The following SOX6 variants were observed in gnomAD, a reference collection of about 807,000 sequenced individuals.
The protein encoded by SOX6 is transcription factor SOX-6.
A neutral mutation model predicts 97.8 loss-of-function variants in SOX6; 11 were observed. The observed-to-expected ratio is 0.11, with a 90% CI of 0.07 to 0.19. SOX6 has a LOEUF of 0.19. Ranked by LOEUF, SOX6 falls within the 10% of genes least tolerant of loss-of-function variation. The pLI is 1.00. For missense variants in SOX6, 810 were observed against 1,039.5 expected, an observed-to-expected ratio of 0.78 and a Z score of 3.04; for synonymous variants, 360 against 371.4, an observed-to-expected ratio of 0.97 and a Z score of 0.35.
intron 6 of SOX6, among the ~76,000 whole-genome samples, chr11:16,156,507 C>T (rs972277097): frequency 6.6e-6 from 1 of 151,988 alleles, no homozygotes; most frequent in African/African-American, 2.4e-5. Flanking sequence ...ATATATCCAA[C>T]ATCTGGTAGG....
At position 16,205,015 on chromosome 11, in the gene SOX6, C is replaced by T. The variant is rs186206870; in HGVS notation, c.536-18060G>A. Among the ~76,000 whole-genome samples, 211 of 152,142 alleles carry T rather than the reference C, an allele frequency of 1.4e-3. 3 individuals carry two copies. Among genetic ancestry groups the T allele is most frequent in the Admixed American group, 0.011 (164 of 15,298 alleles). On this transcript the variant is annotated intron_variant, in intron 4 of 15. Transcript: ENST00000683767. ...TCTCTCTTGGTAGATAGTTGATTTTCGTTATCATTTTCCTCAGTTCACTTA... is the reference window on the plus strand; with the variant it reads ...TCTCTCTTGGTAGATAGTTGATTTTTGTTATCATTTTCCTCAGTTCACTTA...
chr11:16,487,810 G>A (rs10832618), intron 4 of SOX6, among the ~76,000 whole-genome samples: 129 of 151,824 alleles, frequency 8.5e-4, no homozygotes, highest in Non-Finnish European at 1.7e-3. Context: ...TCAGTACCAC[G>A]CCCTCTTAAC....
At chr11:16,205,906 A>T (rs773842163) in intron 4 of SOX6, among the ~76,000 whole-genome samples, 55 of 152,276 alleles carry the variant, frequency 3.6e-4, no homozygotes, top group East Asian at 3.9e-4. Context: ...TGAACTAGGT[A>T]ACCTATAAGG....
At chr11:16,326,420 T>C (rs1332642256) in intron 2 of SOX6, among the ~76,000 whole-genome samples, 2 of 152,082 alleles carry the variant, frequency 1.3e-5, no homozygotes, top group African/African-American at 4.8e-5. Context: ...GTTCCCTCCA[T>C]GTCACATAGG....
chr11:16,178,623 A>G (rs1851260493), intron 6 of SOX6, among the ~76,000 whole-genome samples: 2 of 151,976 alleles, frequency 1.3e-5, no homozygotes, highest in African/African-American at 4.8e-5. Context: ...ATTTCTTTGC[A>G]AGGGAGTATC....
chr11:16,079,672 G>A (rs577701278), intron 9 of SOX6, among the ~76,000 whole-genome samples: 38 of 151,912 alleles, frequency 2.5e-4, no homozygotes, highest in Admixed American at 2.2e-3. Context: ...ATAAAATATC[G>A]TCTTCTTACT....
intron 4 of SOX6, among the ~76,000 whole-genome samples, chr11:16,552,082 A>T (rs1282541475): frequency 6.8e-6 from 1 of 148,082 alleles, no homozygotes; most frequent in Non-Finnish European, 1.5e-5. Context: ...TTGAAACCCA[A>T]ATATTGTATA....
chr11:16,224,468 AT>A (rs1467097569), intron 4 of SOX6, among the ~76,000 whole-genome samples: 1 of 152,206 alleles, frequency 6.6e-6, no homozygotes, highest in Admixed American at 6.5e-5. Context: ...TATGGTAGGA[AT>A]TCTTTCCAGT....
intron 4 of SOX6, among the ~76,000 whole-genome samples, chr11:16,606,635 G>C (rs184060903): frequency 2.0e-5 from 3 of 152,274 alleles, no homozygotes; most frequent in Admixed American, 2.0e-4. Flanking sequence ...TACCAATGCG[G>C]GGAGGCGGAG....
At chr11:16,349,909 T>TA (rs1856892625) in intron 1 of SOX6, among the ~76,000 whole-genome samples, 1 of 152,174 alleles carries the variant, frequency 6.6e-6, no homozygotes, top group South Asian at 2.1e-4. Context: ...AACCATTTCA[T>TA]TTTTGAAATA....
intron 3 of SOX6, among the ~76,000 whole-genome samples, chr11:16,253,608 A>G (rs985737355): frequency 4.6e-5 from 7 of 152,094 alleles, no homozygotes; most frequent in African/African-American, 1.7e-4. Context: ...TGGGCTCACT[A>G]GTAGACTGGA....
intron 1 of SOX6, among the ~76,000 whole-genome samples, chr11:16,737,074 G>T (rs542816290): frequency 6.6e-6 from 1 of 152,266 alleles, no homozygotes; most frequent in East Asian, 1.9e-4. Context: ...TGAAATCTAG[G>T]TAAGTAATAT....
At chr11:16,079,377 C>T (rs905922345) in intron 9 of SOX6, among the ~76,000 whole-genome samples, 3 of 152,116 alleles carry the variant, frequency 2.0e-5, no homozygotes, top group Admixed American at 2.0e-4. Context: ...TATTTTTTCA[C>T]TTAATTATTG....
At chr11:16,520,701 G>A (rs1311044889) in intron 4 of SOX6, among the ~76,000 whole-genome samples, 1 of 152,194 alleles carries the variant, frequency 6.6e-6, no homozygotes, top group African/African-American at 2.4e-5. Context: ...AAGCGCAAGG[G>A]GTCAGGGAGT....
chr11:16,272,835 T>C (rs1031890309), intron 3 of SOX6, among the ~76,000 whole-genome samples: 1 of 151,926 alleles, frequency 6.6e-6, no homozygotes, highest in African/African-American at 2.4e-5. Context: ...TCTAGCCTTA[T>C]AGCAGATGTG....
chr11:16,109,703 T>G (rs1209854331), intron 7 of SOX6, among the ~76,000 whole-genome samples: 1 of 152,224 alleles, frequency 6.6e-6, no homozygotes, highest in Non-Finnish European at 1.5e-5. Flanking sequence ...TAATGAATTT[T>G]AAACACATTT....
intron 9 of SOX6, among the ~76,000 whole-genome samples, chr11:16,090,549 C>T (rs1232765931): frequency 6.6e-6 from 1 of 151,902 alleles, no homozygotes; most frequent in Non-Finnish European, 1.5e-5. Context: ...TTGATACCTG[C>T]ACTTTTTCTT....
At chr11:16,547,789 C>T (rs1353634838) in intron 4 of SOX6, among the ~76,000 whole-genome samples, 1 of 151,976 alleles carries the variant, frequency 6.6e-6, no homozygotes, top group Non-Finnish European at 1.5e-5. Context: ...TGAAATGTTC[C>T]CAATACAGGG....
At chr11:15,996,933 AC>A (rs1854243627) in intron 13 of SOX6, among the ~76,000 whole-genome samples, 1 of 152,190 alleles carries the variant, frequency 6.6e-6, no homozygotes, top group Non-Finnish European at 1.5e-5. Flanking sequence ...AAGACAACTT[AC>A]AAAGCCAAGG....
Sources: gnomAD v4.1 joint callset for allele counts (sites outside exome capture counted in the v4.1 genomes callset) on GRCh38, gnomAD v4.1.1 for gene constraint, MANE v1.5 for transcripts, NCBI Gene and HGNC (gene_info 2026-07-23, HGNC 2026-07-21) for gene names.